Variants in ATP8A1 observed in about 807,000 individuals in gnomAD.
The protein encoded by ATP8A1 is ATPase phospholipid transporting 8A1.
A neutral mutation model predicts 177.7 loss-of-function variants in ATP8A1; 90 were observed. That is an observed-to-expected ratio of 0.51 (90% CI 0.43 to 0.60). The LOEUF (loss-of-function observed/expected upper bound fraction) is 0.60. Ranked by LOEUF, ATP8A1 falls within the 20% of genes least tolerant of loss-of-function variation. The pLI, the probability that ATP8A1 is intolerant of heterozygous loss-of-function variation, is 0.00. For missense variants in ATP8A1, 1,072 were observed against 1,392.8 expected, an observed-to-expected ratio of 0.77 and a Z score of 3.67; for synonymous variants, 493 against 485.9, an observed-to-expected ratio of 1.01 and a Z score of -0.19.
rs1362576040 is a variant in ATP8A1 at position 42,433,365 on chromosome 4, A to T, written c.3124-9660T>A. On this transcript the variant is annotated intron_variant, in intron 33 of 36. Transcript: ENST00000381668. ...TGTCTGTGGGACTACTCCATGACAA[A>T]CTAGCTCTTCAGAATGGACTCTTTT... Among the ~76,000 whole-genome samples the T allele has an allele frequency of 3.9e-5, 6 of 152,168 alleles. No individual in the cohort carries two copies. In the East Asian group the frequency reaches 1.2e-3, roughly 29 times the overall value.
intron 34 of ATP8A1, 84 bp from the exon 35 acceptor site, chr4:42,422,983 C>T (rs919995456): frequency 1.9e-5 from 20 of 1,043,934 alleles, no homozygotes; most frequent in Middle Eastern, 2.1e-4. Flanking sequence ...TATTATCACG[C>T]GGTTGATAAA....
intron 33 of ATP8A1, among the ~76,000 whole-genome samples, chr4:42,424,118 A>G (rs1191679157): frequency 6.6e-6 from 1 of 152,124 alleles, no homozygotes; most frequent in Non-Finnish European, 1.5e-5. Context: ...ATTTTTGTTC[A>G]ATGATTTATA....
Position 42,578,265 on chromosome 4 carries a change from T to C in ATP8A1, c.1123A>G (p.Asn375Asp). 1 of 1,595,426 alleles carries C rather than the reference T, an allele frequency of 6.3e-7. No homozygotes were observed. Among genetic ancestry groups the C allele is most frequent in the Non-Finnish European group, 8.5e-7 (1 of 1,171,996 alleles). ...VVKFTQAYFI[N>D]WDLDMHYEPT... ...CAATCATAATTCATATTTACCCAAT[T>C]TATGAAGTATGCCTGGGTAAATTTC... The change falls in exon 12 of 37, where the codon AAT becomes GAT. Residue 375 changes from asparagine (N) to aspartate (D), a missense_variant. By Grantham distance (23) the Asn-to-Asp change is conservative. Around this residue, in one of 5 missense-constraint regions of ATP8A1, gnomAD observed 388 missense variants for 471.7 expected, o/e 0.82. Transcript: ENST00000381668.
intron 1 of ATP8A1, among the ~76,000 whole-genome samples, chr4:42,635,782 C>CATATAGATATATATATATATATATATAT (rs1739249340): frequency 1.9e-5 from 1 of 51,992 alleles, no homozygotes; most frequent in Non-Finnish European, 4.2e-5. Context: ...CACACACACA[C>CATATAGATATATATATATATATATATAT]ATATATATAT....
chr4:42,493,521 T>C (rs988001482), intron 24 of ATP8A1, among the ~76,000 whole-genome samples: 1 of 152,216 alleles, frequency 6.6e-6, no homozygotes, highest in Non-Finnish European at 1.5e-5. Flanking sequence ...CAAAAAGTAT[T>C]ATGGGTAAAT....
At chr4:42,627,185 G>A (rs953902995) in intron 1 of ATP8A1, 76 bp from the exon 2 acceptor site, 1 of 1,063,788 alleles carries the variant, frequency 9.4e-7, no homozygotes, top group African/African-American at 1.6e-5. Flanking sequence ...AACTAGTCTA[G>A]AATATGAAAT....
At chr4:42,620,559 A>G (rs114221858) in intron 4 of ATP8A1, among the ~76,000 whole-genome samples, 82 of 152,326 alleles carry the variant, frequency 5.4e-4, no homozygotes, top group African/African-American at 1.9e-3. Flanking sequence ...ACAAAGCAAA[A>G]CAAGACAGGG....
At chr4:42,504,418 G>A (rs922322568) in intron 23 of ATP8A1, among the ~76,000 whole-genome samples, 1 of 152,184 alleles carries the variant, frequency 6.6e-6, no homozygotes, top group Non-Finnish European at 1.5e-5. Context: ...TGGGTTAATG[G>A]TAATTCCATC....
intron 33 of ATP8A1, among the ~76,000 whole-genome samples, chr4:42,429,021 G>C (rs562986810): frequency 6.6e-6 from 1 of 152,262 alleles, no homozygotes; most frequent in Non-Finnish European, 1.5e-5. Context: ...CCACCAAGCA[G>C]ATGTTCAATA....
In ATP8A1 at chr4:42,485,478, A is replaced by T; in HGVS notation, c.2324+18T>A. ...AGTCATTCTTTACTAAAATCTGACA[A>T]TGATAAGGAGAACTTACCGACAGCA... On this transcript the variant is annotated intron_variant, in intron 25 of 36. Coordinates refer to ENST00000381668, the MANE Select transcript of ATP8A1 (RefSeq NM_006095.2). 6.3e-7 allele frequency: 1 copy of T among 1,587,356 alleles called. No individual in the cohort carries two copies. The highest frequency in any genetic ancestry group is 8.6e-7 in the Non-Finnish European group (1 of 1,166,610).
Position 42,522,259 on chromosome 4 carries a change from C to A in ATP8A1, c.1848G>T (p.Glu616Asp), listed in dbSNP as rs1461262895. The A allele has an allele frequency of 6.2e-7, 1 of 1,613,770 alleles. No homozygotes were observed. Among genetic ancestry groups the A allele is most frequent in the Non-Finnish European group, 8.5e-7 (1 of 1,179,886 alleles). Reference sequence around the variant, plus strand: ...CTGCTCGCCACTCCTGAAAGTCGCTCTCTGAAATCTCAGCCACAGCAAAAC... The same window carrying A: ...CTGCTCGCCACTCCTGAAAGTCGCTATCTGAAATCTCAGCCACAGCAAAAC... ...TLCFAVAEIS[E>D]SDFQEWRAVY... The change falls in exon 22 of 37, where the codon GAG (glutamate) becomes GAT (aspartate). Residue 616 changes from glutamate to aspartate, a missense_variant. Physicochemically the swap from Glu to Asp is conservative, Grantham distance 45. Coordinates refer to ENST00000381668, the MANE Select transcript of ATP8A1 (RefSeq NM_006095.2).
At chr4:42,524,419 C>G (rs1453867575) in intron 21 of ATP8A1, among the ~76,000 whole-genome samples, 9 of 144,432 alleles carry the variant, frequency 6.2e-5, no homozygotes, top group Non-Finnish European at 9.2e-5. Flanking sequence ...ATTAGAATAT[C>G]TGTTTTTTTT....
chr4:42,586,208 C>T (rs1190962788), intron 9 of ATP8A1, 141 bp downstream of exon 9: 2 of 847,122 alleles, frequency 2.4e-6, no homozygotes, highest in Non-Finnish European at 3.5e-6. Flanking sequence ...GGACTCAGGG[C>T]AGAATAAAAA....
chr4:42,542,610 C>G (rs116564275), intron 20 of ATP8A1, among the ~76,000 whole-genome samples: 2 of 151,938 alleles, frequency 1.3e-5, no homozygotes, highest in East Asian at 1.9e-4. Flanking sequence ...CACCCTGCAA[C>G]GGTGTGTAAT....
chr4:42,581,214 A>G (rs540330975), intron 10 of ATP8A1, among the ~76,000 whole-genome samples: 6 of 152,116 alleles, frequency 3.9e-5, no homozygotes, highest in Admixed American at 2.0e-4. Context: ...GCTCACTGCA[A>G]GCTCCGCCTC....
chr4:42,506,313 T>A (rs1724362100), intron 23 of ATP8A1, among the ~76,000 whole-genome samples: 1 of 152,180 alleles, frequency 6.6e-6, no homozygotes, highest in Admixed American at 6.5e-5. Context: ...CCTTGCCCCT[T>A]CTACCATGTG....
At chr4:42,471,554 A>G (rs565849507) in intron 25 of ATP8A1, among the ~76,000 whole-genome samples, 1 of 152,348 alleles carries the variant, frequency 6.6e-6, no homozygotes, top group East Asian at 1.9e-4. Flanking sequence ...TGTGTATTTG[A>G]TTATGCATGT....
chr4:42,453,198 A>G (rs1237272985), intron 29 of ATP8A1, among the ~76,000 whole-genome samples: 1 of 152,116 alleles, frequency 6.6e-6, no homozygotes, highest in African/African-American at 2.4e-5. Flanking sequence ...AGAACCTCCG[A>G]CCCTTTTTAC....
At chr4:42,414,387 A>G (rs1314515066) in intron 36 of ATP8A1, among the ~76,000 whole-genome samples, 1 of 152,244 alleles carries the variant, frequency 6.6e-6, no homozygotes, top group Non-Finnish European at 1.5e-5. Context: ...GAAGCAAGGA[A>G]TGTGGAAATA....
Sources: gnomAD v4.1 joint callset for allele counts (sites outside exome capture counted in the v4.1 genomes callset) on GRCh38, gnomAD v4.1.1 for gene constraint, gnomAD v4.1.1 regional missense constraint, MANE v1.5 for transcripts, NCBI Gene and HGNC (gene_info 2026-07-23, HGNC 2026-07-21) for gene names.